The following INPP5A variants were observed in gnomAD, a reference collection of about 807,000 sequenced individuals.
INPP5A encodes inositol polyphosphate-5-phosphatase A.
In INPP5A, 14 loss-of-function variants were observed where a neutral mutation model predicts 65.2. That is an observed-to-expected ratio of 0.21 (90% confidence interval 0.14 to 0.34). INPP5A has a LOEUF of 0.34. INPP5A is among the 10% of genes least tolerant of loss of function. The pLI is 1.00. For synonymous variants in INPP5A, 207 were observed against 208.3 expected, an observed-to-expected ratio of 0.99 and a Z score of 0.05; for missense variants, 431 against 545.6, an observed-to-expected ratio of 0.79 and a Z score of 2.09.
In INPP5A at chr10:132,698,788, C is replaced by A. The variant is rs892973495; in HGVS notation, c.474+869C>A. ...CCGGACTTGTCTGCGCAGGCAGCCCCAAGAAGGATTGCTCTGCGGTCCTGT... is the reference window on the plus strand; with the variant it reads ...CCGGACTTGTCTGCGCAGGCAGCCCAAAGAAGGATTGCTCTGCGGTCCTGT... On this transcript the variant is annotated intron_variant, in intron 6 of 15. Transcript: ENST00000368594. The surrounding 1 kb of genome is among the most constrained non-coding windows in gnomAD (Gnocchi z 5.5). Among the ~76,000 whole-genome samples, 3 of 152,218 alleles carry A rather than the reference C, an allele frequency of 2.0e-5. No individual in the cohort carries two copies. Among genetic ancestry groups the A allele is most frequent in the African/African-American group, 7.2e-5 (3 of 41,452 alleles).
rs758495292 is a variant in INPP5A at position 132,627,853 on chromosome 10, G to A, written c.118-18015G>A. 5.2e-4 allele frequency among the ~76,000 whole-genome samples: 79 copies of A among 152,156 alleles called. No homozygotes were observed. Among genetic ancestry groups the A allele is most frequent in the Non-Finnish European group, 8.8e-4 (60 of 68,026 alleles). On this transcript the variant is annotated intron_variant, in intron 2 of 15. Transcript: ENST00000368594. The surrounding 1 kb of genome is among the most constrained non-coding windows in gnomAD (Gnocchi z 6.6). ...GTTGGAGTATTGGAAACCGGGAGGG[G>A]TGAGGCCGTGGAGAGAGCCGTGTGG...
intron 11 of INPP5A, among the ~76,000 whole-genome samples, chr10:132,755,925 T>TGCCA (rs1846600040): frequency 6.6e-6 from 1 of 152,196 alleles, no homozygotes; most frequent in African/African-American, 2.4e-5. Flanking sequence ...CACAAACGTT[T>TGCCA]GGCACATGTA....
At position 132,705,600 on chromosome 10, in the gene INPP5A, C is replaced by T. The variant is rs914268056; in HGVS notation, c.475-2713C>T. Among the ~76,000 whole-genome samples the T allele has an allele frequency of 2.6e-5, 4 of 152,230 alleles. No individual in the cohort carries two copies. The highest frequency in any genetic ancestry group is 9.6e-5 in the African/African-American group (4 of 41,458). Reference sequence around the variant, plus strand: ...ACAGGAAGTCTCTGTACCTTATGCTCAATTCTTCTGGAAGCCTAAAGCTGC... The same window carrying T: ...ACAGGAAGTCTCTGTACCTTATGCTTAATTCTTCTGGAAGCCTAAAGCTGC... On this transcript the variant is annotated intron_variant, in intron 6 of 15. Coordinates refer to ENST00000368594, the MANE Select transcript of INPP5A (RefSeq NM_005539.5). The surrounding 1 kb of genome is among the most constrained non-coding windows in gnomAD (Gnocchi z 4.9).
chr10:132,636,740 C>T (rs891919895), intron 2 of INPP5A, among the ~76,000 whole-genome samples: 1 of 152,082 alleles, frequency 6.6e-6, no homozygotes, highest in Admixed American at 6.6e-5. Context: ...AATTTTTGTA[C>T]GTTGAAAACT....
chr10:132,678,780 G>A lies in INPP5A; in HGVS notation c.307-11612G>A, dbSNP rs1481222468. On this transcript the variant is annotated intron_variant, in intron 4 of 15. Coordinates refer to ENST00000368594, the MANE Select transcript of INPP5A (RefSeq NM_005539.5). The surrounding 1 kb of genome is among the most constrained non-coding windows in gnomAD (Gnocchi z 4.1). ...TGCAGCACCTTGAAGGAAAGGCTGGGGACTGGGACTGCCAAGCCTCTGCCC... is the reference window on the plus strand; with the variant it reads ...TGCAGCACCTTGAAGGAAAGGCTGGAGACTGGGACTGCCAAGCCTCTGCCC... Among the ~76,000 whole-genome samples the A allele has an allele frequency of 6.6e-6, 1 of 152,244 alleles. No homozygotes were observed. Among genetic ancestry groups the A allele is most frequent in the Non-Finnish European group, 1.5e-5 (1 of 68,042 alleles).
At chr10:132,744,607 C>G (rs1026159524) in intron 9 of INPP5A, among the ~76,000 whole-genome samples, 7 of 152,240 alleles carry the variant, frequency 4.6e-5, no homozygotes, top group Admixed American at 2.0e-4. Flanking sequence ...TAAGAACGCA[C>G]TAGAATCTGC....
chr10:132,634,935 C>T (rs1166091993), intron 2 of INPP5A, among the ~76,000 whole-genome samples: 1 of 152,230 alleles, frequency 6.6e-6, no homozygotes, highest in Non-Finnish European at 1.5e-5. Context: ...CTCTTACAGG[C>T]AGTGTGTCCT....
intron 8 of INPP5A, among the ~76,000 whole-genome samples, chr10:132,716,844 G>A (rs906663137): frequency 3.3e-5 from 5 of 152,232 alleles, no homozygotes; most frequent in South Asian, 2.1e-4. Context: ...GGCGGCTGCC[G>A]AAGGAGAGCC....
chr10:132,667,312 C>G (rs1564956232), intron 4 of INPP5A, among the ~76,000 whole-genome samples: 1 of 152,164 alleles, frequency 6.6e-6, no homozygotes, highest in Non-Finnish European at 1.5e-5. Context: ...AGAGAGAGAA[C>G]AAATCAAATC....
At chr10:132,747,583 G>T (rs779576014) in intron 9 of INPP5A, among the ~76,000 whole-genome samples, 61 of 152,368 alleles carry the variant, frequency 4.0e-4, no homozygotes, top group Non-Finnish European at 4.6e-4. Flanking sequence ...CGGCCCAGGG[G>T]TGTCCTCCTG....
intron 1 of INPP5A, among the ~76,000 whole-genome samples, chr10:132,572,047 C>G (rs1590838175): frequency 6.6e-6 from 1 of 152,194 alleles, no homozygotes; most frequent in South Asian, 2.1e-4. Flanking sequence ...CAGCACAGGA[C>G]GAGCCTGCAG....
At chr10:132,591,997 GT>G (rs1489226566) in intron 1 of INPP5A, among the ~76,000 whole-genome samples, 2 of 152,172 alleles carry the variant, frequency 1.3e-5, no homozygotes, top group Non-Finnish European at 2.9e-5. Flanking sequence ...GTCTCATGTG[GT>G]ATTCAGCGTG....
At chr10:132,634,652 T>G (rs1417109764) in intron 2 of INPP5A, among the ~76,000 whole-genome samples, 1 of 152,270 alleles carries the variant, frequency 6.6e-6, no homozygotes, top group Non-Finnish European at 1.5e-5. Context: ...TCTGTCAACC[T>G]CTGCCCAGTG....
chr10:132,653,939 C>T (rs191715816), intron 4 of INPP5A, among the ~76,000 whole-genome samples: 153 of 152,370 alleles, frequency 1.0e-3, no homozygotes, highest in African/African-American at 3.5e-3. Flanking sequence ...TCAAAGTGCC[C>T]GACAGTGACG....
chr10:132,770,951 G>A (rs1458795856), intron 12 of INPP5A, among the ~76,000 whole-genome samples: 2 of 152,148 alleles, frequency 1.3e-5, no homozygotes, highest in African/African-American at 2.4e-5. Context: ...GGAGGAATAC[G>A]TTTTCCAACA....
intron 1 of INPP5A, among the ~76,000 whole-genome samples, chr10:132,562,503 C>T (rs998527279): frequency 4.6e-5 from 7 of 152,240 alleles, no homozygotes; most frequent in East Asian, 1.9e-4. Flanking sequence ...GGTGCAGCCT[C>T]GGCTCCCTGC....
chr10:132,564,893 C>T (rs1352818172), intron 1 of INPP5A, among the ~76,000 whole-genome samples: 1 of 152,014 alleles, frequency 6.6e-6, no homozygotes, highest in Non-Finnish European at 1.5e-5. Context: ...CTGTGCTGGC[C>T]GTGAGAATTC....
In INPP5A at chr10:132,627,734, G is replaced by T. The variant is rs750666437; in HGVS notation, c.118-18134G>T. ...GCGAGACAGGGGATGCAGACGGGTA[G>T]ATGCCACAGGGCCTCCTCTTCCCCG... On this transcript the variant is annotated intron_variant, in intron 2 of 15. Coordinates refer to ENST00000368594, the MANE Select transcript of INPP5A (RefSeq NM_005539.5). This position sits in a 1 kb window ranked among gnomAD's most constrained non-coding sequence, Gnocchi z 6.6. Among the ~76,000 whole-genome samples, 4 of 152,160 alleles carry T rather than the reference G, an allele frequency of 2.6e-5. No individual in the cohort carries two copies. The highest frequency in any genetic ancestry group is 4.4e-5 in the Non-Finnish European group (3 of 68,020).
intron 8 of INPP5A, among the ~76,000 whole-genome samples, chr10:132,717,840 G>A (rs1210512319): frequency 6.8e-6 from 1 of 147,640 alleles, no homozygotes; most frequent in African/African-American, 2.6e-5. Context: ...TTAGACGGCT[G>A]TCTTGCGGGT....
Sources: gnomAD v4.1 joint callset for allele counts (sites outside exome capture counted in the v4.1 genomes callset) on GRCh38, gnomAD v4.1.1 for gene constraint, Gnocchi (gnomAD v3.1) non-coding constraint, MANE v1.5 for transcripts, NCBI Gene and HGNC (gene_info 2026-07-23, HGNC 2026-07-21) for gene names.